EBF3: variants seen among roughly 807,000 people sequenced by gnomAD.
EBF3 encodes EBF transcription factor 3.
A neutral mutation model predicts 77.1 loss-of-function variants in EBF3; 18 were observed. That is an observed-to-expected ratio of 0.23 (90% confidence interval 0.16 to 0.35). The LOEUF (loss-of-function observed/expected upper bound fraction) is 0.35, where lower values mean the gene tolerates loss of function less well. Among genes scored for constraint, EBF3 ranks in the 10% least tolerant of loss-of-function variants. The pLI, the probability that EBF3 is intolerant of heterozygous loss-of-function variation, is 1.00. For synonymous variants in EBF3, 350 were observed against 343.5 expected, an observed-to-expected ratio of 1.02 and a Z score of -0.21; for missense variants, 558 against 860.0, an observed-to-expected ratio of 0.65 and a Z score of 4.39.
intron 6 of EBF3, among the ~76,000 whole-genome samples, chr10:129,924,352 T>G (rs1476046147): frequency 2.0e-5 from 3 of 150,084 alleles, no homozygotes; most frequent in Admixed American, 2.0e-4. Flanking sequence ...GAAGTGGAGG[T>G]TGCAGGGAGC....
At chr10:129,871,960 G>A (rs1304168296) in intron 8 of EBF3, among the ~76,000 whole-genome samples, 11 of 152,090 alleles carry the variant, frequency 7.2e-5, no homozygotes, top group Non-Finnish European at 1.6e-4. Context: ...TGATTAGTTG[G>A]GTTTTATCTC....
chr10:129,953,833 G>A (rs930554302), intron 6 of EBF3, among the ~76,000 whole-genome samples: 6 of 152,236 alleles, frequency 3.9e-5, no homozygotes, highest in Admixed American at 3.3e-4. Context: ...AACAGACCGG[G>A]ATGGCACGAG....
intron 6 of EBF3, among the ~76,000 whole-genome samples, chr10:129,895,766 C>G (rs1854328456): frequency 7.1e-6 from 1 of 140,218 alleles, no homozygotes; most frequent in Non-Finnish European, 1.5e-5. Flanking sequence ...TGATTACTTT[C>G]CTATCATGGA....
At chr10:129,853,715 A>G (rs770794368) in intron 10 of EBF3, among the ~76,000 whole-genome samples, 1 of 152,262 alleles carries the variant, frequency 6.6e-6, no homozygotes, top group Non-Finnish European at 1.5e-5. Flanking sequence ...AAAATTAAAT[A>G]AAGTAAAATT....
At chr10:129,894,332 G>C (rs1038277040) in intron 6 of EBF3, among the ~76,000 whole-genome samples, 8 of 152,142 alleles carry the variant, frequency 5.3e-5, no homozygotes, top group Admixed American at 5.2e-4. Context: ...TCTAAAATGG[G>C]TGCATTAATT....
intron 15 of EBF3, 135 bp downstream of exon 15, chr10:129,840,109 AC>A: frequency 1.8e-6 from 2 of 1,113,384 alleles, no homozygotes; most frequent in Non-Finnish European, 2.5e-6. Flanking sequence ...CAGAGGTGGC[AC>A]GCATCAAGGT....
chr10:129,877,975 G>A (rs1057290920), intron 6 of EBF3, 126 bp from the exon 7 acceptor site: 1 of 714,944 alleles, frequency 1.4e-6, no homozygotes, highest in Non-Finnish European at 2.3e-6. Context: ...CTTCCCTCTA[G>A]GGGGCGACAT....
chr10:129,959,045 G>T (rs761949733), intron 4 of EBF3, 38 bp from the exon 5 acceptor site: 1 of 1,595,438 alleles, frequency 6.3e-7, no homozygotes, highest in Non-Finnish European at 8.5e-7. Flanking sequence ...GTTACGCGGC[G>T]CCCGCGGCTT....
chr10:129,957,156 C>T, intron 6 of EBF3, 102 bp downstream of exon 6: 1 of 1,046,242 alleles, frequency 9.6e-7, no homozygotes, highest in Non-Finnish European at 1.4e-6. Context: ...AAGATGGGCT[C>T]GACACCAGCC....
intron 6 of EBF3, among the ~76,000 whole-genome samples, chr10:129,931,220 G>C (rs1238403347): frequency 2.0e-5 from 3 of 152,098 alleles, no homozygotes; most frequent in Admixed American, 1.3e-4. Context: ...TTTTTGCCCT[G>C]GACAGGATAG....
chr10:129,934,595 C>T (rs1282339644), intron 6 of EBF3, among the ~76,000 whole-genome samples: 1 of 152,238 alleles, frequency 6.6e-6, no homozygotes, highest in Non-Finnish European at 1.5e-5. Context: ...TATTAAGTGG[C>T]ATGCTTAGCG....
chr10:129,939,788 C>T (rs988215728), intron 6 of EBF3, among the ~76,000 whole-genome samples: 4 of 152,238 alleles, frequency 2.6e-5, no homozygotes, highest in African/African-American at 4.8e-5. Flanking sequence ...CAAGCTAATA[C>T]CGGACTTCGT....
rs1314106722 is a variant in EBF3 at position 129,863,477 on chromosome 10, G to T, written c.1039+3664C>A. Among the ~76,000 whole-genome samples, 1 of 152,212 alleles carries T rather than the reference G, an allele frequency of 6.6e-6. No individual in the cohort carries two copies. The highest frequency in any genetic ancestry group is 1.9e-4 in the East Asian group (1 of 5,192). On this transcript the variant is annotated intron_variant, in intron 10 of 16. Transcript: ENST00000440978. This position sits in a 1 kb window ranked among gnomAD's most constrained non-coding sequence, Gnocchi z 4.0. ...CAGATCACTGTAAACAGATCATTGA[G>T]GCCCTTTGCAAAGCCCCTCCCAGCC...
At chr10:129,912,067 G>A (rs984701467) in intron 6 of EBF3, among the ~76,000 whole-genome samples, 1 of 152,178 alleles carries the variant, frequency 6.6e-6, no homozygotes, top group Non-Finnish European at 1.5e-5. Flanking sequence ...TGAATGAAGA[G>A]GGCTCCCGCT....
intron 10 of EBF3, among the ~76,000 whole-genome samples, chr10:129,850,022 A>T (rs991987704): frequency 3.3e-5 from 5 of 152,250 alleles, no homozygotes; most frequent in Admixed American, 1.3e-4. Flanking sequence ...GCAAAAGCAT[A>T]GTTCGGGCCG....
At position 129,944,603 on chromosome 10, in the gene EBF3, A is replaced by G. The variant is rs1000669554; in HGVS notation, c.554+12655T>C. 6.6e-6 allele frequency among the ~76,000 whole-genome samples: 1 copy of G among 152,132 alleles called. No homozygotes were observed. Among genetic ancestry groups the G allele is most frequent in the Non-Finnish European group, 1.5e-5 (1 of 68,036 alleles). On this transcript the variant is annotated intron_variant, in intron 6 of 16. Transcript: ENST00000440978. The surrounding 1 kb of genome is among the most constrained non-coding windows in gnomAD (Gnocchi z 5.1). ...GGTAGGCTGAAGGCAGCGTTTGGGG[A>G]GCATTTTCTTAGTGGAAGCTGGAGC... is the stretch of plus-strand genomic sequence containing the variant.
chr10:129,874,908 A>G (rs1380766397), intron 7 of EBF3, among the ~76,000 whole-genome samples: 1 of 152,152 alleles, frequency 6.6e-6, no homozygotes, highest in Non-Finnish European at 1.5e-5. Flanking sequence ...CACCAGCATA[A>G]TCGGGGAAAC....
At chr10:129,910,957 C>T (rs943888281) in intron 6 of EBF3, among the ~76,000 whole-genome samples, 7 of 152,200 alleles carry the variant, frequency 4.6e-5, no homozygotes, top group Non-Finnish European at 7.3e-5. Flanking sequence ...GCTAATGAAA[C>T]GATTTACCCA....
At chr10:129,912,170 G>A (rs1855568659) in intron 6 of EBF3, among the ~76,000 whole-genome samples, 1 of 152,168 alleles carries the variant, frequency 6.6e-6, no homozygotes. Flanking sequence ...GCTCTTTCCT[G>A]CGCATGGAAT....
Sources: allele counts gnomAD v4.1 joint callset (sites outside exome capture counted in the v4.1 genomes callset), GRCh38; gene constraint gnomAD v4.1.1; non-coding constraint Gnocchi (gnomAD v3.1); transcripts MANE v1.5; gene names NCBI Gene and HGNC (gene_info 2026-07-23, HGNC 2026-07-21).